The following BAAT variants were observed in gnomAD, a reference collection of about 807,000 sequenced individuals.
The protein encoded by BAAT is bile acid-CoA:amino acid N-acyltransferase.
A neutral mutation model predicts 18.9 loss-of-function variants in BAAT; 13 were observed. That is an observed-to-expected ratio of 0.69 (90% CI 0.45 to 1.10). The LOEUF (loss-of-function observed/expected upper bound fraction) is 1.10, where lower values mean the gene tolerates loss of function less well. Among genes scored for constraint, BAAT ranks in the 50% least tolerant of loss-of-function variants. BAAT has a pLI of 0.00. For missense variants in BAAT, 489 were observed against 504.0 expected, an observed-to-expected ratio of 0.97 and a Z score of 0.28; for synonymous variants, 170 against 190.7, an observed-to-expected ratio of 0.89 and a Z score of 0.89.
intron 2 of BAAT, 100 bp downstream of exon 2, chr9:101,370,839 C>A: frequency 7.7e-7 from 1 of 1,305,014 alleles, no homozygotes; most frequent in Non-Finnish European, 1.1e-6. Context: ...ATAACAATAA[C>A]CAGAGTAATT....
In BAAT at chr9:101,371,286, T is replaced by C; in HGVS notation, c.119A>G (p.Asn40Ser). Residue 40 changes from asparagine to serine, a missense_variant, in exon 2 of 4, where the codon AAC becomes AGC. Physicochemically the swap from Asn to Ser is conservative, Grantham distance 46. Coordinates refer to ENST00000259407, the MANE Select transcript of BAAT (RefSeq NM_001701.4). ...GGCTTGAGAATAAAACATGTCTCCG[T>C]TTTCATCTTCCAGTGATGCCTGAAA... is the stretch of plus-strand genomic sequence containing the variant. ...VSFQASLEDE[N>S]GDMFYSQAHY... 1 of 1,613,324 alleles carries C rather than the reference T, an allele frequency of 6.2e-7. No individual in the cohort carries two copies. The highest frequency in any genetic ancestry group is 8.5e-7 in the Non-Finnish European group (1 of 1,179,396).
In BAAT at chr9:101,361,188, T is replaced by C. The variant is rs1829715987; in HGVS notation, c.*1240A>G. The C allele has an allele frequency of 6.5e-6, 1 of 154,966 alleles. No homozygotes were observed. Among genetic ancestry groups the C allele is most frequent in the Non-Finnish European group, 1.5e-5 (1 of 68,238 alleles). The allele number at this position is 154,966 out of a possible 1,614,324, so 9.6% of individuals were successfully genotyped here. On this transcript the variant is annotated 3_prime_UTR_variant, in exon 4 of 4. Coordinates refer to ENST00000259407, the MANE Select transcript of BAAT (RefSeq NM_001701.4). ...AGTGGGTGGATGATGGAGATCAGAA[T>C]GATCCATCTCAATGAGATGAATTAG...
Position 101,362,085 on chromosome 9 carries a change from A to C in BAAT, c.*343T>G. On this transcript the variant is annotated 3_prime_UTR_variant, in exon 4 of 4. Transcript: ENST00000259407. ...ACTATATAGTGTTTTCTGACATGGT[A>C]TTTGGTTTTATATCTGTTACTTTGG... 2.9e-6 allele frequency: 1 copy of C among 343,146 alleles called. No individual in the cohort carries two copies. The allele number at this position is 343,146 out of a possible 1,614,324, so 21.3% of individuals were successfully genotyped here. A position where few individuals can be genotyped will look rare whatever the true frequency, so the allele number is the denominator to read the frequency against.
chr9:101,370,842 G>A, intron 2 of BAAT, 97 bp downstream of exon 2: 1 of 1,317,108 alleles, frequency 7.6e-7, no homozygotes, highest in Non-Finnish European at 1.1e-6. Flanking sequence ...ACAATAACCA[G>A]AGTAATTCTA....
chr9:101,368,351 T>A, intron 2 of BAAT, 29 bp from the exon 3 acceptor site: 1 of 1,596,492 alleles, frequency 6.3e-7, no homozygotes, highest in Non-Finnish European at 8.6e-7. Context: ...GAATTGTACA[T>A]GAAGAGAAGG....
chr9:101,374,661 G>C (rs1316093178), intron 1 of BAAT, among the ~76,000 whole-genome samples: 3 of 152,124 alleles, frequency 2.0e-5, no homozygotes, highest in Non-Finnish European at 2.9e-5. Flanking sequence ...AAGGCAATGA[G>C]ATCCTAAATA....
At position 101,371,093 on chromosome 9, in the gene BAAT, T is replaced by C. The variant is rs765300405; in HGVS notation, c.312A>G (p.Gln104=). 52 of 1,613,966 alleles carry C rather than the reference T, an allele frequency of 3.2e-5. No homozygotes were observed. Among genetic ancestry groups the C allele is most frequent in the Non-Finnish European group, 4.3e-5 (51 of 1,180,008 alleles). Residue 104 remains glutamine (Q), a synonymous_variant, in exon 2 of 4, where the codon CAA becomes CAG. Transcript: ENST00000259407. The part of the protein sequence containing the change: ...RDVMNRPFQV[Q]VKLYDLELIV... ...TTAACTCTAAGTCATAAAGTTTTACTTGGACCTGGAAAGGCCTATTCATCA... is the reference window on the plus strand; with the variant it reads ...TTAACTCTAAGTCATAAAGTTTTACCTGGACCTGGAAAGGCCTATTCATCA...
At chr9:101,379,852 T>C (rs964781634) in intron 1 of BAAT, among the ~76,000 whole-genome samples, 23 of 152,228 alleles carry the variant, frequency 1.5e-4, no homozygotes, top group African/African-American at 4.1e-4. Context: ...TTGATTGTAG[T>C]CCCTTGTGTG....
intron 2 of BAAT, among the ~76,000 whole-genome samples, chr9:101,369,851 T>G (rs1309891809): frequency 6.6e-6 from 1 of 152,182 alleles, no homozygotes; most frequent in Non-Finnish European, 1.5e-5. Flanking sequence ...CTCTGAGAAA[T>G]GTACCAAAAC....
At chr9:101,379,363 C>T (rs2119038173) in intron 1 of BAAT, among the ~76,000 whole-genome samples, 1 of 152,276 alleles carries the variant, frequency 6.6e-6, no homozygotes, top group Admixed American at 6.5e-5. Context: ...AAGAATTCAC[C>T]CAATTTATAC....
intron 1 of BAAT, chr9:101,383,489 C>G (rs181626981): frequency 6.6e-6 from 1 of 152,142 alleles, no homozygotes; most frequent in African/African-American, 2.4e-5. Context: ...TCCTCTTGAG[C>G]CTTCTTTTCC....
At chr9:101,383,065 C>T (rs1029891402) in intron 1 of BAAT, among the ~76,000 whole-genome samples, 5 of 152,086 alleles carry the variant, frequency 3.3e-5, no homozygotes, top group African/African-American at 1.2e-4. Flanking sequence ...AGTACAGTTT[C>T]CCAGAATAGG....
rs188189145 is a variant in BAAT at position 101,361,289 on chromosome 9, A to C, written c.*1139T>G. 61 of 154,024 alleles carry C rather than the reference A, an allele frequency of 4.0e-4. No individual in the cohort carries two copies. The highest frequency in any genetic ancestry group is 1.4e-3 in the African/African-American group (58 of 41,638). 9.5% of individuals were successfully genotyped at this position (154,024 alleles called of 1,614,324 possible). A position where few individuals can be genotyped will look rare whatever the true frequency, so the allele number is the denominator to read the frequency against. On this transcript the variant is annotated 3_prime_UTR_variant, in exon 4 of 4. Transcript: ENST00000259407. ...GGATACTGCATTTGGACATAATACA[A>C]ATTGGCAGTTTGGAATGTTGAACTT...
At chr9:101,380,963 G>A (rs1830123391) in intron 1 of BAAT, among the ~76,000 whole-genome samples, 1 of 151,712 alleles carries the variant, frequency 6.6e-6, no homozygotes, top group Non-Finnish European at 1.5e-5. Context: ...CAGCATGTTG[G>A]TCAGGCTGGT....
chr9:101,365,429 A>G (rs1829809883), intron 3 of BAAT, among the ~76,000 whole-genome samples: 1 of 152,074 alleles, frequency 6.6e-6, no homozygotes, highest in South Asian at 2.1e-4. Context: ...TATACTCTCT[A>G]TTTCCTACCC....
chr9:101,365,764 T>C (rs1375644990), intron 3 of BAAT, among the ~76,000 whole-genome samples: 1 of 152,030 alleles, frequency 6.6e-6, no homozygotes, highest in Non-Finnish European at 1.5e-5. Flanking sequence ...GAACCCCTGA[T>C]CTCAGGTGAT....
In BAAT at chr9:101,373,776, G is replaced by A. The variant is rs1341156151; in HGVS notation, c.-59-2313C>T. Reference sequence around the variant, plus strand: ...ACATCTGAGGACTCAGCACTATCTTGGCAAACAGACTAACTCCTCCCACCC... The same window carrying A: ...ACATCTGAGGACTCAGCACTATCTTAGCAAACAGACTAACTCCTCCCACCC... On this transcript the variant is annotated intron_variant, in intron 1 of 3. Coordinates refer to ENST00000259407, the MANE Select transcript of BAAT (RefSeq NM_001701.4). 3.3e-5 allele frequency among the ~76,000 whole-genome samples: 5 copies of A among 151,996 alleles called. No homozygotes were observed. The East Asian group carries it at 9.7e-4, about 29-fold the overall frequency.
At position 101,368,110 on chromosome 9, in the gene BAAT, C is replaced by T; in HGVS notation, c.669+10G>A. On this transcript the variant is annotated intron_variant, in intron 3 of 3. Transcript: ENST00000259407. ...CAGGGACTCAAACCTACTGAAAAGA[C>T]AAAAATTACCTTTGGATGTCTCAGG... The T allele has an allele frequency of 6.2e-7, 1 of 1,612,222 alleles. No homozygotes were observed. Among genetic ancestry groups the T allele is most frequent in the Non-Finnish European group, 8.5e-7 (1 of 1,178,310 alleles).
chr9:101,380,869 C>G (rs1012615749), intron 1 of BAAT, among the ~76,000 whole-genome samples: 5 of 152,122 alleles, frequency 3.3e-5, no homozygotes, highest in Admixed American at 6.6e-5. Flanking sequence ...TCTCCTGCCT[C>G]AGCCTCCCGA....
Sources: gnomAD v4.1 joint callset for allele counts (sites outside exome capture counted in the v4.1 genomes callset) on GRCh38, gnomAD v4.1.1 for gene constraint, MANE v1.5 for transcripts, NCBI Gene and HGNC (gene_info 2026-07-23, HGNC 2026-07-21) for gene names.